Variants in ZNF18 observed in about 807,000 individuals in gnomAD.
ZNF18 encodes the protein heart development-specific gene 1 protein.
A neutral mutation model predicts 58.1 loss-of-function variants in ZNF18; 42 were observed. The observed-to-expected ratio is 0.72, with a 90% CI of 0.56 to 0.93. The LOEUF is 0.93. ZNF18 is among the 40% of genes least tolerant of loss of function. The pLI, the probability that ZNF18 is intolerant of heterozygous loss-of-function variation, is 0.00. For missense variants in ZNF18, 540 were observed against 644.2 expected (o/e 0.84, Z 1.75); for synonymous variants, 231 against 239.8 (o/e 0.96, Z 0.34).
intron 1 of ZNF18, among the ~76,000 whole-genome samples, chr17:11,994,321 G>C (rs980106877): frequency 6.6e-6 from 1 of 151,602 alleles, no homozygotes; most frequent in Non-Finnish European, 1.5e-5. Flanking sequence ...TTTTTCAAGG[G>C]CCTGAGAAAG....
the ZNF18 span, among the ~76,000 whole-genome samples, chr17:12,003,365 G>A: frequency 6.6e-6 from 1 of 151,806 alleles, no homozygotes; most frequent in Admixed American, 6.6e-5. Flanking sequence ...CTTGAACCTG[G>A]GAAGGCAGAG....
chr17:11,993,840 A>AAAAAAAAAC (rs1968299600), intron 1 of ZNF18, among the ~76,000 whole-genome samples: 1 of 150,718 alleles, frequency 6.6e-6, no homozygotes, highest in Non-Finnish European at 1.5e-5. Context: ...AAAAAAAAAA[A>AAAAAAAAAC]AAAAAAAAAG....
At position 11,977,503 on chromosome 17, in the gene ZNF18, C is replaced by T; in HGVS notation, c.*454G>A. The stretch of plus-strand genomic sequence containing the variant: ...GGGACACTTGAAGTTAGTTTTTCAC[C>T]CCTATGACAAAGAACACACGTGAGC... On this transcript the variant is annotated 3_prime_UTR_variant, in exon 7 of 7. Coordinates refer to ENST00000580306, the MANE Select transcript of ZNF18 (RefSeq NM_001303281.2). 1 of 155,894 alleles carries T rather than the reference C, an allele frequency of 6.4e-6. No homozygotes were observed. The highest frequency in any genetic ancestry group is 1.4e-5 in the Non-Finnish European group (1 of 70,622). 9.7% of individuals were successfully genotyped at this position (155,894 alleles called of 1,614,324 possible). A position where few individuals can be genotyped will look rare whatever the true frequency, so the allele number is the denominator to read the frequency against.
rs534103583 is a variant in ZNF18 at position 11,977,717 on chromosome 17, T to G, written c.*240A>C. 3.5e-5 allele frequency: 16 copies of G among 455,432 alleles called. No homozygotes were observed. In the South Asian group the frequency reaches 7.4e-4, roughly 21 times the overall value. The allele number at this position is 455,432 out of a possible 1,614,324, so 28.2% of individuals were successfully genotyped here. A position where few individuals can be genotyped will look rare whatever the true frequency, so the allele number is the denominator to read the frequency against. The stretch of plus-strand genomic sequence containing the variant: ...TTCCCCGATGGGTCCAAAGGAAGGA[T>G]GAGTGGAAACATGAAGACTATTCTT... On this transcript the variant is annotated 3_prime_UTR_variant, in exon 7 of 7. Coordinates refer to ENST00000580306, the MANE Select transcript of ZNF18 (RefSeq NM_001303281.2).
chr17:11,992,885 G>T lies in ZNF18; in HGVS notation c.-56C>A. 6.4e-7 allele frequency: 1 copy of T among 1,555,664 alleles called. No homozygotes were observed. The highest frequency in any genetic ancestry group is 8.7e-7 in the Non-Finnish European group (1 of 1,154,964). On this transcript the variant is annotated 5_prime_UTR_variant, in exon 2 of 7. Transcript: ENST00000580306. The stretch of plus-strand genomic sequence containing the variant: ...GTGCTTCTGCAGTGGAATTGTCTCC[G>T]GCAAGAACTAGGTCTTCACCAGGAC...
the ZNF18 span, among the ~76,000 whole-genome samples, chr17:12,015,652 G>A: frequency 6.6e-6 from 1 of 152,016 alleles, no homozygotes; most frequent in South Asian, 2.1e-4. Flanking sequence ...TATTATGCTT[G>A]TTTTAGCATA....
chr17:11,983,526 C>A, intron 5 of ZNF18, 119 bp from the exon 6 acceptor site: 1 of 718,500 alleles, frequency 1.4e-6, no homozygotes, highest in Non-Finnish European at 2.4e-6. Flanking sequence ...TGGACACTTG[C>A]AGAAACTCAC....
chr17:12,010,710 C>T, the ZNF18 span: 5 of 208,912 alleles, frequency 2.4e-5, no homozygotes, highest in East Asian at 7.0e-4. Context: ...GCCACTGCGC[C>T]CCGCCGGTCT....
At position 11,978,108 on chromosome 17, in the gene ZNF18, C is replaced by T; in HGVS notation, c.1499G>A (p.Ser500Asn). The T allele has an allele frequency of 6.2e-7, 1 of 1,614,158 alleles. No individual in the cohort carries two copies. Among genetic ancestry groups the T allele is most frequent in the East Asian group, 2.2e-5 (1 of 44,876 alleles). ...ATTAAAGTTTGATCTCTGAATGAAA[C>T]TTTTCTCACAGATAGGACATTTATA... ...KPYKCPICEK[S>N]FIQRSNFNRH... Residue 500 changes from serine (S) to asparagine (N), a missense_variant, in exon 7 of 7, where the codon AGT becomes AAT. By Grantham distance (46) the Ser-to-Asn change is conservative. Coordinates refer to ENST00000580306, the MANE Select transcript of ZNF18 (RefSeq NM_001303281.2).
At chr17:12,017,976 A>G in the ZNF18 span, among the ~76,000 whole-genome samples, 2 of 152,220 alleles carry the variant, frequency 1.3e-5, no homozygotes, top group Non-Finnish European at 2.9e-5. Flanking sequence ...TAAGCAAGGA[A>G]TACACAGACG....
At chr17:12,008,449 C>T in the ZNF18 span, among the ~76,000 whole-genome samples, 1 of 152,150 alleles carries the variant, frequency 6.6e-6, no homozygotes, top group Non-Finnish European at 1.5e-5. Flanking sequence ...ATCCTCACGC[C>T]TCAGCCTGTC....
At chr17:11,984,323 A>C in intron 4 of ZNF18, 126 bp from the exon 5 acceptor site, 1 of 874,594 alleles carries the variant, frequency 1.1e-6, no homozygotes, top group Non-Finnish European at 1.7e-6. Flanking sequence ...CCATCGCAAG[A>C]CCTGAGAAAT....
intron 6 of ZNF18, among the ~76,000 whole-genome samples, chr17:11,981,935 T>C (rs141594553): frequency 1.6e-4 from 25 of 152,236 alleles, no homozygotes; most frequent in African/African-American, 5.3e-4. Context: ...TATTTGGAGA[T>C]GGGGCCTGGG....
At chr17:12,017,202 A>C in the ZNF18 span, among the ~76,000 whole-genome samples, 26 of 152,190 alleles carry the variant, frequency 1.7e-4, no homozygotes, top group South Asian at 1.5e-3. Flanking sequence ...GTCTCAAAAA[A>C]AAAAATTAGT....
At chr17:11,989,542 C>T (rs1183230046) in intron 4 of ZNF18, among the ~76,000 whole-genome samples, 1 of 151,914 alleles carries the variant, frequency 6.6e-6, no homozygotes, top group Non-Finnish European at 1.5e-5. Context: ...TACAATAAAG[C>T]CCCAAATCAA....
intron 1 of ZNF18, among the ~76,000 whole-genome samples, chr17:11,993,136 G>A (rs1348447339): frequency 1.3e-5 from 2 of 152,134 alleles, no homozygotes; most frequent in African/African-American, 4.8e-5. Context: ...ATTTTATAAT[G>A]TTCTTTCTTG....
At chr17:12,000,964 A>C (rs1208108675), upstream of ZNF18, among the ~76,000 whole-genome samples, 1 of 152,214 alleles carries the variant, frequency 6.6e-6, no homozygotes, top group Non-Finnish European at 1.5e-5. Flanking sequence ...AAATAGCAAA[A>C]TGAGACAAAT....
At chr17:12,003,581 T>C in the ZNF18 span, among the ~76,000 whole-genome samples, 2 of 152,214 alleles carry the variant, frequency 1.3e-5, no homozygotes, top group Non-Finnish European at 2.9e-5. Flanking sequence ...ATATGGTGGA[T>C]AAATCCTGAT....
At chr17:12,009,015 G>A in the ZNF18 span, 1 of 152,186 alleles carries the variant, frequency 6.6e-6, no homozygotes, top group Non-Finnish European at 1.5e-5. Flanking sequence ...TACGGGCACA[G>A]GCTATACAGA....
Sources: allele counts gnomAD v4.1 joint callset (sites outside exome capture counted in the v4.1 genomes callset), GRCh38; gene constraint gnomAD v4.1.1; transcripts MANE v1.5; gene names NCBI Gene and HGNC (gene_info 2026-07-23, HGNC 2026-07-21).